The following SIGLEC8 variants were observed in gnomAD, a reference collection of about 807,000 sequenced individuals.
SIGLEC8 encodes the protein sialic acid binding Ig like lectin 8, also known as sialic acid-binding Ig-like lectin 8.
SIGLEC8 carries 32 observed loss-of-function variants against 42.1 expected under a neutral mutation model. The observed-to-expected ratio is 0.76, with a 90% confidence interval of 0.57 to 1.02. The LOEUF is 1.02. Among genes scored for constraint, SIGLEC8 ranks in the 50% least tolerant of loss-of-function variants. The probability of loss-of-function intolerance (pLI) is 0.00; values close to 1 mark genes in which losing one functional copy is unlikely to be tolerated. For missense variants in SIGLEC8, 611 were observed against 610.2 expected (o/e 1.00, Z -0.01); for synonymous variants, 262 against 260.3 (o/e 1.01, Z -0.06).
chr19:51,457,965 G>A lies in SIGLEC8; in HGVS notation c.423C>T (p.Tyr141=), dbSNP rs368107070. The A allele has an allele frequency of 2.5e-6, 4 of 1,613,992 alleles. No individual in the cohort carries two copies. Among genetic ancestry groups the A allele is most frequent in the Non-Finnish European group, 2.5e-6 (3 of 1,180,018 alleles). The change falls in exon 1 of 7, where the codon TAC becomes TAT. Residue 141 remains tyrosine, a synonymous_variant. Coordinates refer to ENST00000321424, the MANE Select transcript of SIGLEC8 (RefSeq NM_014442.3). Reference sequence around the variant, plus strand: ...CAAACACAGACAGCTGCTTAGTTTTGTAATTCAACTGTGATTTGTAACTCC... The same window carrying A: ...CAAACACAGACAGCTGCTTAGTTTTATAATTCAACTGTGATTTGTAACTCC... ...MKWSYKSQLN[Y]KTKQLSVFVT...
intron 1 of SIGLEC8, 90 bp from the exon 2 acceptor site, chr19:51,457,829 G>A (rs764896768): frequency 7.9e-5 from 122 of 1,547,078 alleles, no homozygotes; most frequent in Non-Finnish European, 1.0e-4. Context: ...CCTCCCCGGA[G>A]ACCGACTTAT....
At chr19:51,455,743 A>G in intron 3 of SIGLEC8, 56 bp from the exon 4 acceptor site, 2 of 1,472,944 alleles carry the variant, frequency 1.4e-6, no homozygotes, top group Non-Finnish European at 1.9e-6. Flanking sequence ...CCAAAGGATT[A>G]TAAATCATGC....
chr19:51,457,767 G>A (rs148933120), intron 1 of SIGLEC8, 28 bp from the exon 2 acceptor site: 3 of 1,557,268 alleles, frequency 1.9e-6, no homozygotes, highest in East Asian at 2.2e-5. Flanking sequence ...ACAGGATCAG[G>A]AGGAGGTATT....
intron 3 of SIGLEC8, among the ~76,000 whole-genome samples, chr19:51,455,927 G>A (rs559986819): frequency 3.3e-4 from 51 of 152,270 alleles, no homozygotes; most frequent in Middle Eastern, 3.4e-3. Context: ...CCTTTGTAGG[G>A]ACATGGATGA....
intron 4 of SIGLEC8, 50 bp downstream of exon 4, chr19:51,455,368 A>G: frequency 6.3e-7 from 1 of 1,597,390 alleles, no homozygotes; most frequent in East Asian, 2.2e-5. Context: ...TGGGTGGTCC[A>G]TGAGGGTGGG....
chr19:51,455,591 A>G lies in SIGLEC8; in HGVS notation c.878T>C (p.Leu293Pro), dbSNP rs1242408397. 6.2e-7 allele frequency: 1 copy of G among 1,613,820 alleles called. No individual in the cohort carries two copies. The highest frequency in any genetic ancestry group is 1.3e-5 in the African/African-American group (1 of 74,936). The change falls in exon 4 of 7, where the codon CTG becomes CCG. Residue 293 changes from leucine to proline, a missense_variant. Physicochemically the swap from Leu to Pro is moderately conservative, Grantham distance 98. Coordinates refer to ENST00000321424, the MANE Select transcript of SIGLEC8 (RefSeq NM_014442.3). ...GGTCAGGCTCCCCCGGGTCCAGCTC[A>G]GCCTGGCAGGGGGATTGCTGTTGAC... ...CAVNSNPPAR[L>P]SWTRGSLTLC...
In SIGLEC8 at chr19:51,457,218, G is replaced by T; in HGVS notation, c.747C>A (p.Asn249Lys). Residue 249 changes from asparagine (N) to lysine (K), a missense_variant, in exon 3 of 7, where the codon AAC becomes AAA. Physicochemically the swap from Asn to Lys is moderately conservative, Grantham distance 94 (BLOSUM62 0). Coordinates refer to ENST00000321424, the MANE Select transcript of SIGLEC8 (RefSeq NM_014442.3). The part of the protein sequence containing the change: ...VRLDVSYPPW[N>K]LTMTVFQGDA... ...CTCCTTGGAAGACAGTCATGGTCAA[G>T]TTCCAAGGAGGGTCTGGGACAGAAA... 1 of 1,613,770 alleles carries T rather than the reference G, an allele frequency of 6.2e-7. No homozygotes were observed.
chr19:51,457,403 G>T (rs1171401284), intron 2 of SIGLEC8, 58 bp downstream of exon 2: 4 of 1,594,396 alleles, frequency 2.5e-6, no homozygotes, highest in South Asian at 1.1e-5. Flanking sequence ...CCCATCCCCT[G>T]CCCTCAGGAA....
Position 51,457,735 on chromosome 19 carries a change from C to T in SIGLEC8, c.459G>A (p.Leu153=). The T allele has an allele frequency of 6.4e-7, 1 of 1,574,434 alleles. No individual in the cohort carries two copies. The highest frequency in any genetic ancestry group is 8.6e-7 in the Non-Finnish European group (1 of 1,163,328). The change falls in exon 2 of 7, where the codon CTG becomes CTA. Residue 153 remains leucine, a synonymous_variant. Transcript: ENST00000321424. ...TKQLSVFVTA[L]THRPDILILG... ...GGATGAGGATGTCAGGCCTATGGGT[C>T]AGGGCTGGTGAAGATGGGGACACAG...
In SIGLEC8 at chr19:51,453,171, C is replaced by T. The variant is rs1989409719; in HGVS notation, c.1246-538G>A. Among the ~76,000 whole-genome samples, 3 of 152,102 alleles carry T rather than the reference C, an allele frequency of 2.0e-5. No homozygotes were observed. In the South Asian group the frequency reaches 6.2e-4, roughly 31 times the overall value. On this transcript the variant is annotated intron_variant, in intron 6 of 6. Coordinates refer to ENST00000321424, the MANE Select transcript of SIGLEC8 (RefSeq NM_014442.3). The stretch of plus-strand genomic sequence containing the variant: ...TGGTGCAATCCCAGCTCACTGCACC[C>T]TCCACTTCCTGGGCTCAAGGGATCA...
At position 51,452,569 on chromosome 19, in the gene SIGLEC8, G is replaced by A; in HGVS notation, c.1310C>T (p.Pro437Leu). The A allele has an allele frequency of 3.8e-6, 6 of 1,586,334 alleles. No homozygotes were observed. The highest frequency in any genetic ancestry group is 5.2e-6 in the Non-Finnish European group (6 of 1,159,444). The change falls in exon 7 of 7, where the codon CCC (proline) becomes CTC (leucine). Residue 437 changes from proline to leucine, a missense_variant. Coordinates refer to ENST00000321424, the MANE Select transcript of SIGLEC8 (RefSeq NM_014442.3). ...PLKKPPPAVA[P>L]SSGEEGELHY... ...GAGCTCTCCTTCCTCCCCTGACGAG[G>A]GGGCAACAGCTGGGGGAGGCTTCTT...
Position 51,458,158 on chromosome 19 carries a change from G to C in SIGLEC8, c.230C>G (p.Ala77Gly). The change falls in exon 1 of 7, where the codon GCT becomes GGT. Residue 77 changes from alanine (A) to glycine (G), a missense_variant. Physicochemically the swap from Ala to Gly is moderately conservative, Grantham distance 60 (BLOSUM62 0). Transcript: ENST00000321424. Reference protein sequence around the residue: ...FRAGDRPYQDAPVATNNPDRE... With the variant: ...FRAGDRPYQDGPVATNNPDRE... ...GTCTGGGTTGTTTGTGGCCACTGGA[G>C]CGTCTTGGTATGGTCTGTCTCCTGC... is the stretch of plus-strand genomic sequence containing the variant. 6.2e-7 allele frequency: 1 copy of C among 1,614,138 alleles called. No individual in the cohort carries two copies. Among genetic ancestry groups the C allele is most frequent in the Non-Finnish European group, 8.5e-7 (1 of 1,180,020 alleles).
Position 51,455,647 on chromosome 19 carries a change from A to C in SIGLEC8, c.822T>G (p.Leu274=), listed in dbSNP as rs757744011. The C allele has an allele frequency of 6.2e-7, 1 of 1,613,744 alleles. No individual in the cohort carries two copies. Among genetic ancestry groups the C allele is most frequent in the Non-Finnish European group, 8.5e-7 (1 of 1,179,838 alleles). Residue 274 remains leucine, a synonymous_variant, in exon 4 of 7, where the codon CTT becomes CTG. Coordinates refer to ENST00000321424, the MANE Select transcript of SIGLEC8 (RefSeq NM_014442.3). The stretch of plus-strand genomic sequence containing the variant: ...AGACCAGGCGCAGAGACTGGCCCTC[A>C]AGGACTGAAAGAGATGAGCCATTTC... ...ALGNGSSLSV[L]EGQSLRLVCA... is the part of the protein sequence containing the mutation.
intron 6 of SIGLEC8, among the ~76,000 whole-genome samples, chr19:51,452,985 C>T (rs1989401848): frequency 6.6e-6 from 1 of 152,134 alleles, no homozygotes; most frequent in South Asian, 2.1e-4. Context: ...CCTGCTGAGG[C>T]CCCCGTGTGT....
In SIGLEC8 at chr19:51,451,457, C is replaced by T. The variant is rs1159791517; in HGVS notation, c.*922G>A. 6.6e-6 allele frequency: 1 copy of T among 152,214 alleles called. No individual in the cohort carries two copies. Among genetic ancestry groups the T allele is most frequent in the African/African-American group, 2.4e-5 (1 of 41,450 alleles). The allele number at this position is 152,214 out of a possible 1,614,324, so 9.4% of individuals were successfully genotyped here. A position where few individuals can be genotyped will look rare whatever the true frequency, so the allele number is the denominator to read the frequency against. ...TTCCTGAGACTCTAGGCCATTGCTG[C>T]TCCCTCTTTTGTAAAAGTCAATGCC... On this transcript the variant is annotated 3_prime_UTR_variant, in exon 7 of 7. Transcript: ENST00000321424.
intron 3 of SIGLEC8, among the ~76,000 whole-genome samples, chr19:51,456,126 A>G (rs188560535): frequency 6.6e-6 from 1 of 151,990 alleles, no homozygotes; most frequent in African/African-American, 2.4e-5. Flanking sequence ...CTAAATGACA[A>G]GTTACTGGGG....
Position 51,454,086 on chromosome 19 carries a change from A to C in SIGLEC8, c.1245+133T>G. 6.8e-7 allele frequency: 1 copy of C among 1,478,178 alleles called. No individual in the cohort carries two copies. Among genetic ancestry groups the C allele is most frequent in the Non-Finnish European group, 9.0e-7 (1 of 1,116,368 alleles). The allele number at this position is 1,478,178 out of a possible 1,614,324, so 91.6% of individuals were successfully genotyped here. Reference sequence around the variant, plus strand: ...TGTCAGCAAGATGGGGGAGTCCTGTAGAAGCCGGCCTGTGGGAAGGAGGAG... The same window carrying C: ...TGTCAGCAAGATGGGGGAGTCCTGTCGAAGCCGGCCTGTGGGAAGGAGGAG... On this transcript the variant is annotated intron_variant, in intron 6 of 6. Transcript: ENST00000321424. This position sits in a 1 kb window ranked among gnomAD's most constrained non-coding sequence, Gnocchi z 4.7.
intron 3 of SIGLEC8, among the ~76,000 whole-genome samples, chr19:51,456,769 A>ATGTG (rs1989503505): frequency 6.6e-6 from 1 of 152,230 alleles, no homozygotes; most frequent in Admixed American, 6.5e-5. Context: ...ATTTCTGCCC[A>ATGTG]TGTGACTGTA....
rs922905901 is a variant in SIGLEC8, at chr19:51,454,429, G to A, written c.1149-114C>T. On this transcript the variant is annotated intron_variant, in intron 5 of 6. Coordinates refer to ENST00000321424, the MANE Select transcript of SIGLEC8 (RefSeq NM_014442.3). This position sits in a 1 kb window ranked among gnomAD's most constrained non-coding sequence, Gnocchi z 4.7. ...GCTTGAGGGGTGACCGAGGCGCAACGGCGGTGGTCCAGTTCCAGAGACCCC... is the reference window on the plus strand; with the variant it reads ...GCTTGAGGGGTGACCGAGGCGCAACAGCGGTGGTCCAGTTCCAGAGACCCC... 2.9e-5 allele frequency: 45 copies of A among 1,576,898 alleles called. 1 individual carries two copies. The highest frequency in any genetic ancestry group is 1.4e-4 in the East Asian group (6 of 44,384).
Sources: gnomAD v4.1 joint callset for allele counts (sites outside exome capture counted in the v4.1 genomes callset) on GRCh38, gnomAD v4.1.1 for gene constraint, Gnocchi (gnomAD v3.1) non-coding constraint, MANE v1.5 for transcripts, NCBI Gene and HGNC (gene_info 2026-07-23, HGNC 2026-07-21) for gene names.